The following STIP1 variants were observed in gnomAD, a reference collection of about 807,000 sequenced individuals.
STIP1 encodes the protein stress induced phosphoprotein 1.
A neutral mutation model predicts 77.4 loss-of-function variants in STIP1; 16 were observed. The ratio of observed to expected loss-of-function variants is 0.21; its 90% CI spans 0.14 to 0.31. The LOEUF is 0.31. STIP1 is among the 10% of genes least tolerant of loss of function. The pLI is 1.00. For missense variants in STIP1, 524 were observed against 684.8 expected, an observed-to-expected ratio of 0.77 and a Z score of 2.62; for synonymous variants, 258 against 246.6, an observed-to-expected ratio of 1.05 and a Z score of -0.44.
chr11:64,185,960 T>C, upstream of STIP1: 1 of 1,538,156 alleles, frequency 6.5e-7, no homozygotes, highest in African/African-American at 1.4e-5. Flanking sequence ...CCTCCATTCG[T>C]GGAGCCTGAG....
At chr11:64,195,536 A>T in intron 4 of STIP1, 109 bp from the exon 5 acceptor site, 1 of 1,117,880 alleles carries the variant, frequency 8.9e-7, no homozygotes. Context: ...TTGATGGGTG[A>T]GGAGCTTCTA....
chr11:64,197,666 A>G (rs927005103), intron 7 of STIP1, 71 bp downstream of exon 7: 12 of 1,588,856 alleles, frequency 7.6e-6, no homozygotes, highest in Admixed American at 1.7e-5. Flanking sequence ...GTTTCTCTGC[A>G]TGGGGAGGAG....
At position 64,200,001 on chromosome 11, in the gene STIP1, A is replaced by G; in HGVS notation, c.1085A>G (p.Glu362Gly). 1 of 1,614,188 alleles carries G rather than the reference A, an allele frequency of 6.2e-7. No homozygotes were observed. The highest frequency in any genetic ancestry group is 8.5e-7 in the Non-Finnish European group (1 of 1,180,032). Residue 362 changes from glutamate (E) to glycine (G), a missense_variant, in exon 9 of 14, where the codon GAG becomes GGG. Coordinates refer to ENST00000305218, the MANE Select transcript of STIP1 (RefSeq NM_006819.3). ...TACATAAACCCCGACCTGGCTTTGGAGGAGAAGAACAAAGGCAACGAGTGT... is the reference window on the plus strand; with the variant it reads ...TACATAAACCCCGACCTGGCTTTGGGGGAGAAGAACAAAGGCAACGAGTGT... The part of the protein sequence containing the change: ...LAYINPDLAL[E>G]EKNKGNECFQ...
At chr11:64,193,524 C>T in intron 2 of STIP1, 2 of 505,770 alleles carry the variant, frequency 4.0e-6, no homozygotes, top group South Asian at 4.2e-5. Context: ...TGACGCACGC[C>T]TGTGATCCCA....
At chr11:64,185,982 T>C (rs1338466810), upstream of STIP1, 1 of 1,540,720 alleles carries the variant, frequency 6.5e-7, no homozygotes, top group Non-Finnish European at 8.7e-7. Context: ...TGGGTGGGTT[T>C]ATAGAGGAGC....
At chr11:64,196,683 C>T (rs1355567882) in intron 5 of STIP1, among the ~76,000 whole-genome samples, 1 of 152,162 alleles carries the variant, frequency 6.6e-6, no homozygotes, top group African/African-American at 2.4e-5. Context: ...GCATGTGCCT[C>T]AACGATTTCA....
chr11:64,203,689 G>A (rs569647099), intron 13 of STIP1, 67 bp downstream of exon 13: 15 of 1,595,936 alleles, frequency 9.4e-6, no homozygotes, highest in African/African-American at 1.3e-5. Context: ...GAGTGCACGC[G>A]GCTGGGGGGT....
chr11:64,204,290 G>C lies in STIP1; in HGVS notation c.*164G>C, dbSNP rs1041383179. 9 of 680,228 alleles carry C rather than the reference G, an allele frequency of 1.3e-5. No homozygotes were observed. The East Asian group carries it at 2.5e-4, about 19-fold the overall frequency. The allele number at this position is 680,228 out of a possible 1,614,324, so 42.1% of individuals were successfully genotyped here. A position where few individuals can be genotyped will look rare whatever the true frequency, so the allele number is the denominator to read the frequency against. On this transcript the variant is annotated 3_prime_UTR_variant, in exon 14 of 14. Transcript: ENST00000305218. ...ACAGAGACTCGTACCTGCGCTGTTTGTGCCGCCGCTGCCTCTGGGCCCTCC... is the reference window on the plus strand; with the variant it reads ...ACAGAGACTCGTACCTGCGCTGTTTCTGCCGCCGCTGCCTCTGGGCCCTCC...
At chr11:64,199,713 G>A (rs1424623985) in intron 8 of STIP1, among the ~76,000 whole-genome samples, 2 of 150,446 alleles carry the variant, frequency 1.3e-5, no homozygotes, top group Admixed American at 6.6e-5. Context: ...ACAGGCTCCC[G>A]CCACCACACC....
At chr11:64,200,702 G>A (rs1946210137) in intron 10 of STIP1, among the ~76,000 whole-genome samples, 1 of 151,962 alleles carries the variant, frequency 6.6e-6, no homozygotes, top group African/African-American at 2.4e-5. Context: ...ACATTGGAAG[G>A]TGGGTCCTTT....
Position 64,202,911 on chromosome 11 carries a change from C to T in STIP1, c.1281C>T (p.Phe427=). The change falls in exon 11 of 14, where the codon TTC becomes TTT. Residue 427 remains phenylalanine (F), a splice_region_variant and synonymous_variant. Coordinates refer to ENST00000305218, the MANE Select transcript of STIP1 (RefSeq NM_006819.3). ...AATGTATCCAGCTGGAGCCGACCTT[C>T]AGTAAGTGCCTTTCTGCTGCCTGTC... is the stretch of plus-strand genomic sequence containing the variant. ...CEECIQLEPT[F]IKGYTRKAAA... 1 of 1,614,200 alleles carries T rather than the reference C, an allele frequency of 6.2e-7. No individual in the cohort carries two copies. Among genetic ancestry groups the T allele is most frequent in the Non-Finnish European group, 8.5e-7 (1 of 1,180,038 alleles).
chr11:64,190,937 C>T (rs11601522), intron 1 of STIP1, among the ~76,000 whole-genome samples: 42,356 of 152,042 alleles, frequency 0.28, 6,450 homozygotes, highest in Admixed American at 0.37. Context: ...CCAGTAATCC[C>T]AGCACTTTGG....
chr11:64,203,006 C>T lies in STIP1; in HGVS notation c.1282+94C>T, dbSNP rs1946237052. On this transcript the variant is annotated intron_variant, in intron 11 of 13. Coordinates refer to ENST00000305218, the MANE Select transcript of STIP1 (RefSeq NM_006819.3). ...TTGTCTACCTGTGTGTCCTTGGGACCTGTAGGATTTAGGATCCAACATCAG... is the reference window on the plus strand; with the variant it reads ...TTGTCTACCTGTGTGTCCTTGGGACTTGTAGGATTTAGGATCCAACATCAG... The T allele has an allele frequency of 3.7e-6, 6 of 1,600,288 alleles. No individual in the cohort carries two copies. In the South Asian group the frequency reaches 5.5e-5, roughly 15 times the overall value.
intron 8 of STIP1, 22 bp downstream of exon 8, chr11:64,197,996 G>T (rs192039267): frequency 1.3e-5 from 20 of 1,585,372 alleles, no homozygotes. Context: ...AAGAATAGGG[G>T]TATTTTCTTG....
chr11:64,203,256 C>A (rs754981224), intron 12 of STIP1, 28 bp downstream of exon 12: 7 of 1,610,862 alleles, frequency 4.3e-6, no homozygotes, highest in African/African-American at 2.7e-5. Context: ...CTCCAGGGGC[C>A]CCCCCTGCCT....
chr11:64,187,770 G>A (rs1236768150), intron 1 of STIP1, among the ~76,000 whole-genome samples: 1 of 152,166 alleles, frequency 6.6e-6, no homozygotes, highest in East Asian at 1.9e-4. Context: ...GGGAGGCCGA[G>A]GCAGGCGGAT....
Position 64,204,244 on chromosome 11 carries a change from A to G in STIP1, c.*118A>G. 9.9e-7 allele frequency: 1 copy of G among 1,012,978 alleles called. No homozygotes were observed. Among genetic ancestry groups the G allele is most frequent in the Non-Finnish European group, 1.5e-6 (1 of 681,296 alleles). The allele number at this position is 1,012,978 out of a possible 1,614,324, so 62.7% of individuals were successfully genotyped here. A position where few individuals can be genotyped will look rare whatever the true frequency, so the allele number is the denominator to read the frequency against. Reference sequence around the variant, plus strand: ...GAGAAGGCCTCATCTCTCTATATTTATACATAACCCCGGGGAAGACACAGA... The same window carrying G: ...GAGAAGGCCTCATCTCTCTATATTTGTACATAACCCCGGGGAAGACACAGA... On this transcript the variant is annotated 3_prime_UTR_variant, in exon 14 of 14. Transcript: ENST00000305218.
At chr11:64,203,862 G>A in intron 13 of STIP1, 192 bp from the exon 14 acceptor site, 3 of 784,316 alleles carry the variant, frequency 3.8e-6, no homozygotes, top group East Asian at 2.6e-5. Flanking sequence ...TGGAAGCTGT[G>A]TCGTGGGCTC....
At chr11:64,188,302 C>T (rs1184890513) in intron 1 of STIP1, among the ~76,000 whole-genome samples, 5 of 150,944 alleles carry the variant, frequency 3.3e-5, no homozygotes, top group African/African-American at 7.3e-5. Flanking sequence ...TGTGATCACG[C>T]CACTGCACTC....
Sources: gnomAD v4.1 joint callset for allele counts (sites outside exome capture counted in the v4.1 genomes callset) on GRCh38, gnomAD v4.1.1 for gene constraint, MANE v1.5 for transcripts, NCBI Gene and HGNC (gene_info 2026-07-23, HGNC 2026-07-21) for gene names.